Variants in ROR1 observed in about 807,000 individuals in gnomAD.
The protein encoded by ROR1 is inactive tyrosine-protein kinase transmembrane receptor ROR1.
ROR1 carries 19 observed loss-of-function variants against 78.8 expected under a neutral mutation model. That is an observed-to-expected ratio of 0.24 (90% CI 0.17 to 0.35). The LOEUF (loss-of-function observed/expected upper bound fraction) is 0.35, where lower values mean the gene tolerates loss of function less well. Among genes scored for constraint, ROR1 ranks in the 10% least tolerant of loss-of-function variants. The pLI, the probability that ROR1 is intolerant of heterozygous loss-of-function variation, is 1.00. For synonymous variants in ROR1, 386 were observed against 433.6 expected (o/e 0.89, Z 1.36); for missense variants, 917 against 1,177.8 (o/e 0.78, Z 3.24).
intron 1 of ROR1, among the ~76,000 whole-genome samples, chr1:63,786,567 T>C (rs1644689174): frequency 1.4e-5 from 2 of 142,478 alleles, no homozygotes; most frequent in East Asian, 2.1e-4. Context: ...CCACCGCGCC[T>C]GGCCTTTTTT....
chr1:63,862,442 G>A (rs1453515925), intron 1 of ROR1, among the ~76,000 whole-genome samples: 2 of 150,764 alleles, frequency 1.3e-5, no homozygotes, highest in Non-Finnish European at 2.9e-5. Flanking sequence ...ATTGCAGGCA[G>A]GATACATTTC....
In ROR1 at chr1:64,122,108, A is replaced by G. The variant is rs545418614; in HGVS notation, c.483-15261A>G. Among the ~76,000 whole-genome samples, 5 of 152,228 alleles carry G rather than the reference A, an allele frequency of 3.3e-5. No individual in the cohort carries two copies. The South Asian group carries it at 8.3e-4, about 25-fold the overall frequency. ...ACTCCAAGCAGGAATTTTCTATCTG[A>G]TTCTCTTTGTTTTGTCTGAACCCGA... On this transcript the variant is annotated intron_variant, in intron 4 of 8. Coordinates refer to ENST00000371079, the MANE Select transcript of ROR1 (RefSeq NM_005012.4).
Position 64,178,172 on chromosome 1 carries a change from T to C in ROR1, c.2131T>C (p.Leu711=). 6.2e-7 allele frequency: 1 copy of C among 1,614,152 alleles called. No homozygotes were observed. The highest frequency in any genetic ancestry group is 8.5e-7 in the Non-Finnish European group (1 of 1,180,026). The part of the protein sequence containing the change: ...VIEMVRKRQL[L]PCSEDCPPRM... ...TGAGATGGTGAGAAAACGGCAGCTC[T>C]TACCATGCTCTGAAGACTGCCCACC... The change falls in exon 9 of 9, where the codon TTA becomes CTA. Residue 711 remains leucine, a synonymous_variant. Coordinates refer to ENST00000371079, the MANE Select transcript of ROR1 (RefSeq NM_005012.4). This position sits in a 1 kb window ranked among gnomAD's most constrained non-coding sequence, Gnocchi z 4.3.
intron 1 of ROR1, among the ~76,000 whole-genome samples, chr1:63,962,538 AAGG>A (rs1371417879): frequency 2.6e-5 from 4 of 152,182 alleles, no homozygotes; most frequent in South Asian, 2.1e-4. Context: ...CTAACTGCAG[AAGG>A]AGGAGAAGAG....
chr1:63,993,753 T>TAA (rs1490710585), intron 1 of ROR1, among the ~76,000 whole-genome samples: 18 of 152,114 alleles, frequency 1.2e-4, no homozygotes, highest in African/African-American at 3.6e-4. Context: ...ATAGCCATAA[T>TAA]TTATTTAGGT....
At chr1:63,937,294 A>G (rs1455260703) in intron 1 of ROR1, among the ~76,000 whole-genome samples, 1 of 152,174 alleles carries the variant, frequency 6.6e-6, no homozygotes, top group African/African-American at 2.4e-5. Context: ...CTGCCATCCC[A>G]GACCCATTGC....
chr1:64,127,515 T>C (rs1457649361), intron 4 of ROR1, among the ~76,000 whole-genome samples: 1 of 151,954 alleles, frequency 6.6e-6, no homozygotes, highest in African/African-American at 2.4e-5. Context: ...TGTCTCTCTC[T>C]CTCTCTGTCT....
At chr1:64,110,416 A>G (rs1041240783) in intron 4 of ROR1, among the ~76,000 whole-genome samples, 5 of 152,136 alleles carry the variant, frequency 3.3e-5, no homozygotes, top group Admixed American at 6.6e-5. Context: ...CCTATCAGAT[A>G]TAGAGCTGGG....
rs749214430 is a variant in ROR1, at chr1:64,178,574, A to T, written c.2533A>T (p.Ile845Phe). The T allele has an allele frequency of 1.9e-6, 3 of 1,613,998 alleles. No homozygotes were observed. In the African/African-American group the frequency reaches 4.0e-5, roughly 22 times the overall value. Residue 845 changes from isoleucine (I) to phenylalanine (F), a missense_variant, in exon 9 of 9, where the codon ATT becomes TTT. Coordinates refer to ENST00000371079, the MANE Select transcript of ROR1 (RefSeq NM_005012.4). This position sits in a 1 kb window ranked among gnomAD's most constrained non-coding sequence, Gnocchi z 4.3. ...CCAGCCAACAGGTCCTCCCAGAGTGATTCAGCACTGCCCACCTCCCAAGAG... is the reference window on the plus strand; with the variant it reads ...CCAGCCAACAGGTCCTCCCAGAGTGTTTCAGCACTGCCCACCTCCCAAGAG... ...HYQPTGPPRVIQHCPPPKSRS... is the reference protein window; with the variant it reads ...HYQPTGPPRVFQHCPPPKSRS...
At chr1:63,807,307 G>T (rs1326904684) in intron 1 of ROR1, among the ~76,000 whole-genome samples, 2 of 152,268 alleles carry the variant, frequency 1.3e-5, no homozygotes, top group South Asian at 2.1e-4. Context: ...GGAAATTAAG[G>T]TTCAGTGCCT....
At chr1:63,806,299 T>C (rs1391554660) in intron 1 of ROR1, among the ~76,000 whole-genome samples, 1 of 151,522 alleles carries the variant, frequency 6.6e-6, no homozygotes, top group Non-Finnish European at 1.5e-5. Context: ...TGTTAGCTTG[T>C]TTGTGACTGT....
At chr1:64,043,043 C>T (rs1442399414) in intron 2 of ROR1, among the ~76,000 whole-genome samples, 1 of 152,232 alleles carries the variant, frequency 6.6e-6, no homozygotes, top group East Asian at 1.9e-4. Context: ...AGGCCCTAAA[C>T]CTAATTGTGA....
intron 1 of ROR1, among the ~76,000 whole-genome samples, chr1:63,917,966 G>A (rs143154870): frequency 6.6e-6 from 1 of 152,290 alleles, no homozygotes; most frequent in African/African-American, 2.4e-5. Flanking sequence ...TCCCATCCTA[G>A]TGATGGGCAG....
intron 2 of ROR1, among the ~76,000 whole-genome samples, chr1:64,047,645 G>C (rs1646794851): frequency 6.6e-6 from 1 of 152,174 alleles, no homozygotes; most frequent in African/African-American, 2.4e-5. Context: ...GGCTATAAAG[G>C]CATGATAATG....
chr1:63,781,745 A>G (rs1294179605), intron 1 of ROR1, among the ~76,000 whole-genome samples: 1 of 152,290 alleles, frequency 6.6e-6, no homozygotes, highest in East Asian at 1.9e-4. Flanking sequence ...TGCTATAGTT[A>G]TGTAGCCAGT....
chr1:63,922,508 G>T (rs1244553658), intron 1 of ROR1, among the ~76,000 whole-genome samples: 1 of 152,138 alleles, frequency 6.6e-6, no homozygotes, highest in Non-Finnish European at 1.5e-5. Flanking sequence ...TCGAAGCCCA[G>T]GATTTTGTGC....
At chr1:63,893,969 T>C (rs2100393089) in intron 1 of ROR1, among the ~76,000 whole-genome samples, 1 of 152,324 alleles carries the variant, frequency 6.6e-6, no homozygotes, top group Admixed American at 6.5e-5. Flanking sequence ...CAAGATCTTT[T>C]TCACCTTTTC....
chr1:63,977,864 C>T lies in ROR1; in HGVS notation c.92-31441C>T, dbSNP rs146040224. Among the ~76,000 whole-genome samples, 898 of 152,264 alleles carry T rather than the reference C, an allele frequency of 5.9e-3. 9 individuals carry two copies. The highest frequency in any genetic ancestry group is 0.021 in the African/African-American group (868 of 41,550). ...TGCACATCTATACCAAAATGTTTTA[C>T]CTTTTTTGTAGAAGGAAAATATTTG... is the stretch of plus-strand genomic sequence containing the variant. On this transcript the variant is annotated intron_variant, in intron 1 of 8. Coordinates refer to ENST00000371079, the MANE Select transcript of ROR1 (RefSeq NM_005012.4).
intron 2 of ROR1, among the ~76,000 whole-genome samples, chr1:64,042,080 T>A (rs912675190): frequency 6.6e-6 from 1 of 152,032 alleles, no homozygotes; most frequent in Non-Finnish European, 1.5e-5. Context: ...GAGGAATAAG[T>A]TAATTACAGG....
Sources: allele counts gnomAD v4.1 joint callset (sites outside exome capture counted in the v4.1 genomes callset), GRCh38; gene constraint gnomAD v4.1.1; non-coding constraint Gnocchi (gnomAD v3.1); transcripts MANE v1.5; gene names NCBI Gene and HGNC (gene_info 2026-07-23, HGNC 2026-07-21).